Variants in TOGARAM1 observed in about 807,000 individuals in gnomAD.
The protein encoded by TOGARAM1 is TOG array regulator of axonemal microtubules protein 1.
In TOGARAM1, 100 loss-of-function variants were observed where a neutral mutation model predicts 166.6. That is an observed-to-expected ratio of 0.60 (90% CI 0.51 to 0.71). TOGARAM1 has a LOEUF of 0.71. Ranked by LOEUF, TOGARAM1 falls within the 30% of genes least tolerant of loss-of-function variation. TOGARAM1 has a pLI of 0.00. For synonymous variants in TOGARAM1, 758 were observed against 763.8 expected, an observed-to-expected ratio of 0.99 and a Z score of 0.13; for missense variants, 2,029 against 2,102.7, an observed-to-expected ratio of 0.96 and a Z score of 0.69.
At chr14:44,994,286 T>G (rs562089271) in intron 1 of TOGARAM1, among the ~76,000 whole-genome samples, 62 of 152,208 alleles carry the variant, frequency 4.1e-4, no homozygotes, top group Non-Finnish European at 7.4e-4. Context: ...GCCTGGCTAA[T>G]TTTTGTATTT....
intron 7 of TOGARAM1, among the ~76,000 whole-genome samples, chr14:45,014,057 T>G (rs1283938413): frequency 6.6e-6 from 1 of 150,988 alleles, no homozygotes; most frequent in Non-Finnish European, 1.5e-5. Flanking sequence ...TTTTTTTTTT[T>G]TTTTTGAGAC....
chr14:45,044,808 A>T lies in TOGARAM1; in HGVS notation c.4092A>T (p.Arg1364Ser). ...FIREDVDKALRAMVNNVTPAR... is the reference protein window; with the variant it reads ...FIREDVDKALSAMVNNVTPAR... Reference sequence around the variant, plus strand: ...GAGAAGATGTTGACAAAGCATTGAGAGCTATGGTTAATAATGTAACTCCTG... The same window carrying T: ...GAGAAGATGTTGACAAAGCATTGAGTGCTATGGTTAATAATGTAACTCCTG... Residue 1364 changes from arginine (R) to serine (S), a missense_variant, in exon 13 of 20, where the codon AGA (arginine) becomes AGT (serine). Physicochemically the swap from Arg to Ser is moderately radical, Grantham distance 110 (BLOSUM62 -1). Around this residue, in one of 2 missense-constraint regions of TOGARAM1, gnomAD observed 576 missense variants for 670.5 expected, o/e 0.86. Coordinates refer to ENST00000361462, the MANE Select transcript of TOGARAM1 (RefSeq NM_001308120.2). 1 of 1,614,100 alleles carries T rather than the reference A, an allele frequency of 6.2e-7. No individual in the cohort carries two copies. Among genetic ancestry groups the T allele is most frequent in the Non-Finnish European group, 8.5e-7 (1 of 1,179,998 alleles).
At chr14:45,070,506 T>C (rs1291770988) in intron 18 of TOGARAM1, among the ~76,000 whole-genome samples, 1 of 152,248 alleles carries the variant, frequency 6.6e-6, no homozygotes, top group Non-Finnish European at 1.5e-5. Context: ...TTTGCATTAT[T>C]GACAAATACA....
rs751371979 is a variant in TOGARAM1 at position 45,004,177 on chromosome 14, C to A, written c.2455C>A (p.Pro819Thr). Residue 819 changes from proline to threonine, a missense_variant, in exon 4 of 20, where the codon CCT becomes ACT. By Grantham distance (38) the Pro-to-Thr change is conservative (BLOSUM62 -1). Around this residue, in one of 2 missense-constraint regions of TOGARAM1, gnomAD observed 1,453 missense variants for 1,432.2 expected, o/e 1.01. Coordinates refer to ENST00000361462, the MANE Select transcript of TOGARAM1 (RefSeq NM_001308120.2). ...AGGAGCTTACATCCTTCCATCCTAT[C>A]CTGTCTCATCACCTCGAACTAGTCC... ...SPGAYILPSY[P>T]VSSPRTSPKH... 3 of 1,614,078 alleles carry A rather than the reference C, an allele frequency of 1.9e-6. No homozygotes were observed. The highest frequency in any genetic ancestry group is 1.7e-5 in the Admixed American group (1 of 60,024).
Position 45,061,392 on chromosome 14 carries a change from T to G in TOGARAM1, c.4560-5186T>G, listed in dbSNP as rs529857477. 5.3e-5 allele frequency among the ~76,000 whole-genome samples: 8 copies of G among 152,340 alleles called. No homozygotes were observed. The East Asian group carries it at 1.5e-3, about 29-fold the overall frequency. The stretch of plus-strand genomic sequence containing the variant: ...ATGCATCTAATTTATTTTTCCTACC[T>G]TAATACTGTGCTGGTTAGAATATCA... On this transcript the variant is annotated intron_variant, in intron 16 of 19. Coordinates refer to ENST00000361462, the MANE Select transcript of TOGARAM1 (RefSeq NM_001308120.2).
chr14:44,998,998 G>C (rs1262019550), intron 2 of TOGARAM1, among the ~76,000 whole-genome samples: 1 of 152,190 alleles, frequency 6.6e-6, no homozygotes, highest in Non-Finnish European at 1.5e-5. Context: ...AAGGAAAAGA[G>C]TTTGGTAATA....
chr14:44,975,674 C>T (rs1387394585), intron 1 of TOGARAM1, among the ~76,000 whole-genome samples: 1 of 151,710 alleles, frequency 6.6e-6, no homozygotes, highest in Non-Finnish European at 1.5e-5. Flanking sequence ...ACCATGTTGG[C>T]CAGTCTGGTC....
At chr14:44,987,019 A>AG (rs1191812620) in intron 1 of TOGARAM1, among the ~76,000 whole-genome samples, 5 of 151,144 alleles carry the variant, frequency 3.3e-5, no homozygotes, top group Non-Finnish European at 7.4e-5. Context: ...AAAAAAAAAA[A>AG]GAAAGAAAAA....
chr14:45,044,676 C>T lies in TOGARAM1; in HGVS notation c.3960C>T (p.Val1320=). The T allele has an allele frequency of 6.2e-7, 1 of 1,612,996 alleles. No individual in the cohort carries two copies. Among genetic ancestry groups the T allele is most frequent in the Non-Finnish European group, 8.5e-7 (1 of 1,179,626 alleles). ...LRSGVSRAAV[V]CLSDLFTYLK... ...CTGGAGTTTCTCGTGCTGCTGTGGT[C>T]TGTTTAAGTGATCTTTTCACTTATT... Residue 1320 remains valine, a synonymous_variant, in exon 13 of 20, where the codon GTC becomes GTT. Transcript: ENST00000361462.
At chr14:45,045,581 ATATGTGTGTGTGTGTGTGTG>A (rs1881984272) in intron 13 of TOGARAM1, among the ~76,000 whole-genome samples, 1 of 33,158 alleles carries the variant, frequency 3.0e-5, no homozygotes, top group African/African-American at 2.4e-4. Flanking sequence ...ATATATATAT[ATATGTGTGTGTGTGTGTGTG>A]TGTGTGTGTG....
chr14:44,993,207 G>A (rs1038544860), intron 1 of TOGARAM1, among the ~76,000 whole-genome samples: 2 of 152,026 alleles, frequency 1.3e-5, no homozygotes, highest in African/African-American at 4.8e-5. Context: ...AAAATCACCT[G>A]AGATGGGGAA....
chr14:44,971,475 T>C (rs1885881275), intron 1 of TOGARAM1, among the ~76,000 whole-genome samples: 1 of 152,242 alleles, frequency 6.6e-6, no homozygotes, highest in South Asian at 2.1e-4. Flanking sequence ...ATCAATTTTA[T>C]TGATCTTTTC....
In TOGARAM1 at chr14:45,073,347, T is replaced by C; in HGVS notation, c.5108T>C (p.Val1703Ala). 1 of 1,614,172 alleles carries C rather than the reference T, an allele frequency of 6.2e-7. No individual in the cohort carries two copies. Among genetic ancestry groups the C allele is most frequent in the Non-Finnish European group, 8.5e-7 (1 of 1,180,028 alleles). ...QRKPHATEQK[V>A]LVVLWHLLGN... ...AAGCCGCATGCCACAGAGCAGAAAGTGTTGGTTGTTTTATGGCATCTCTTA... is the reference window on the plus strand; with the variant it reads ...AAGCCGCATGCCACAGAGCAGAAAGCGTTGGTTGTTTTATGGCATCTCTTA... The change falls in exon 20 of 20, where the codon GTG (valine) becomes GCG (alanine). Residue 1703 changes from valine (V) to alanine (A), a missense_variant. This residue lies in a region of TOGARAM1 where 576 missense variants were observed against 670.5 expected (regional missense o/e 0.86). Coordinates refer to ENST00000361462, the MANE Select transcript of TOGARAM1 (RefSeq NM_001308120.2).
chr14:45,050,335 C>T (rs373519922), intron 14 of TOGARAM1, among the ~76,000 whole-genome samples: 2 of 152,152 alleles, frequency 1.3e-5, no homozygotes, highest in South Asian at 2.1e-4. Flanking sequence ...TCACTGCTAC[C>T]TCCGCCTCCT....
At chr14:44,985,100 G>A (rs529866411) in intron 1 of TOGARAM1, among the ~76,000 whole-genome samples, 2 of 151,876 alleles carry the variant, frequency 1.3e-5, no homozygotes, top group South Asian at 4.2e-4. Context: ...TGCAACCTCT[G>A]CCTCCCAGGT....
At chr14:45,026,060 A>C (rs1263249872) in intron 8 of TOGARAM1, among the ~76,000 whole-genome samples, 188 bp downstream of exon 8, 1 of 152,184 alleles carries the variant, frequency 6.6e-6, no homozygotes, top group Admixed American at 6.5e-5. Flanking sequence ...CTTCTAATGA[A>C]ACTATAGTAA....
intron 1 of TOGARAM1, among the ~76,000 whole-genome samples, chr14:44,990,933 G>A (rs1887088068): frequency 7.1e-6 from 1 of 140,218 alleles, no homozygotes; most frequent in Admixed American, 7.0e-5. Flanking sequence ...ACAGGTGTGA[G>A]CCACTACACC....
intron 1 of TOGARAM1, among the ~76,000 whole-genome samples, chr14:44,970,751 T>C (rs968154319): frequency 6.6e-6 from 1 of 152,204 alleles, no homozygotes; most frequent in Non-Finnish European, 1.5e-5. Flanking sequence ...CATATATGGA[T>C]ATTAGATTTT....
At chr14:45,054,887 G>T (rs1160530311) in intron 16 of TOGARAM1, among the ~76,000 whole-genome samples, 3 of 151,740 alleles carry the variant, frequency 2.0e-5, no homozygotes, top group African/African-American at 7.3e-5. Context: ...TGGTTAAAGG[G>T]GAAAAAAAAA....
Sources: allele counts gnomAD v4.1 joint callset (sites outside exome capture counted in the v4.1 genomes callset), GRCh38; gene constraint gnomAD v4.1.1; regional missense constraint gnomAD v4.1.1; transcripts MANE v1.5; gene names NCBI Gene and HGNC (gene_info 2026-07-23, HGNC 2026-07-21).